The following PHIP variants were observed in gnomAD, a reference collection of about 807,000 sequenced individuals.
The protein encoded by PHIP is PH-interacting protein.
PHIP carries 54 observed loss-of-function variants against 236.8 expected under a neutral mutation model. The observed-to-expected ratio is 0.23, with a 90% CI of 0.18 to 0.29. PHIP has a LOEUF of 0.29. PHIP is among the 10% of genes least tolerant of loss of function. PHIP has a pLI of 1.00. For missense variants in PHIP, 1,370 were observed against 2,190.8 expected, an observed-to-expected ratio of 0.63 and a Z score of 7.48; for synonymous variants, 756 against 718.9, an observed-to-expected ratio of 1.05 and a Z score of -0.83.
chr6:79,008,105 G>A (rs1770389596), intron 15 of PHIP, among the ~76,000 whole-genome samples: 1 of 151,596 alleles, frequency 6.6e-6, no homozygotes, highest in Non-Finnish European at 1.5e-5. Context: ...GCAGTGAGAT[G>A]AGATTGTGCC....
intron 6 of PHIP, among the ~76,000 whole-genome samples, chr6:79,047,422 T>C (rs1319314720): frequency 2.6e-5 from 4 of 152,166 alleles, no homozygotes; most frequent in Non-Finnish European, 4.4e-5. Flanking sequence ...GAAAAGAACA[T>C]AAATGAAAGA....
Position 78,997,594 on chromosome 6 carries a change from G to A in PHIP, c.2021C>T (p.Ser674Phe). The A allele has an allele frequency of 6.2e-7, 1 of 1,610,482 alleles. No homozygotes were observed. The highest frequency in any genetic ancestry group is 1.3e-5 in the African/African-American group (1 of 74,836). Residue 674 changes from serine (S) to phenylalanine (F), a missense_variant, in exon 19 of 40, where the codon TCC becomes TTC. Around this residue, in one of 14 missense-constraint regions of PHIP, gnomAD observed 133 missense variants for 245.2 expected, o/e 0.54. Coordinates refer to ENST00000275034, the MANE Select transcript of PHIP (RefSeq NM_017934.7). ...ISNTSRLSRGSISSTSEVHSP... is the reference protein window; with the variant it reads ...ISNTSRLSRGFISSTSEVHSP... Reference sequence around the variant, plus strand: ...ATGAACCTCTGAGGTAGAACTTATGGAGCCTAAGTGAAAAAGTTACTATAT... The same window carrying A: ...ATGAACCTCTGAGGTAGAACTTATGAAGCCTAAGTGAAAAAGTTACTATAT...
rs147652839 is a variant in PHIP at position 78,969,979 on chromosome 6, A to G, written c.3123-62T>C. 1.2e-4 allele frequency: 194 copies of G among 1,588,356 alleles called. 4 individuals are homozygous for G. Among genetic ancestry groups the G allele is most frequent in the Middle Eastern group, 1.2e-3 (7 of 5,970 alleles). On this transcript the variant is annotated intron_variant, in intron 26 of 39. Coordinates refer to ENST00000275034, the MANE Select transcript of PHIP (RefSeq NM_017934.7). ...ACCTAAAAATACCTAAAAGATGTTC[A>G]AATGTATCTGAATCTTGAAAAACAA...
intron 15 of PHIP, among the ~76,000 whole-genome samples, chr6:79,013,783 G>A (rs771100749): frequency 2.0e-5 from 3 of 151,550 alleles, no homozygotes; most frequent in South Asian, 2.1e-4. Context: ...ATGTCCTTTG[G>A]AAATACAAAA....
chr6:79,055,540 A>T (rs1483407624), intron 6 of PHIP, among the ~76,000 whole-genome samples: 1 of 152,196 alleles, frequency 6.6e-6, no homozygotes, highest in Non-Finnish European at 1.5e-5. Flanking sequence ...TCTCTTCCAC[A>T]ATAAAAGAAT....
intron 27 of PHIP, among the ~76,000 whole-genome samples, chr6:78,969,042 T>A (rs1193531587): frequency 6.6e-6 from 1 of 152,202 alleles, no homozygotes; most frequent in Non-Finnish European, 1.5e-5. Flanking sequence ...CCTTTCTTGG[T>A]TACTCCCTTA....
intron 33 of PHIP, 136 bp from the exon 34 acceptor site, chr6:78,955,418 TA>T: frequency 1.5e-6 from 1 of 645,656 alleles, no homozygotes; most frequent in Non-Finnish European, 2.5e-6. Flanking sequence ...ATTGACTCAT[TA>T]AAAAGGTTCC....
At chr6:79,016,845 C>T (rs1330095764) in intron 12 of PHIP, among the ~76,000 whole-genome samples, 1 of 151,730 alleles carries the variant, frequency 6.6e-6, no homozygotes, top group African/African-American at 2.4e-5. Context: ...ATAACATTTT[C>T]AAAAGTGATT....
At chr6:79,003,585 TAA>T (rs1421886181) in intron 16 of PHIP, 143 bp downstream of exon 16, 1 of 471,794 alleles carries the variant, frequency 2.1e-6, no homozygotes, top group Non-Finnish European at 3.6e-6. Context: ...TTTCCGAAAC[TAA>T]GTCTCCAGAC....
At chr6:79,014,996 T>C in intron 15 of PHIP, 86 bp downstream of exon 15, 1 of 1,075,218 alleles carries the variant, frequency 9.3e-7, no homozygotes, top group Non-Finnish European at 1.4e-6. Context: ...AATTTTTAAA[T>C]GGATTTCCTT....
At chr6:79,047,712 A>G (rs1772572487) in intron 6 of PHIP, among the ~76,000 whole-genome samples, 1 of 152,012 alleles carries the variant, frequency 6.6e-6, no homozygotes, top group Non-Finnish European at 1.5e-5. Context: ...AATTTCACAA[A>G]TTTTACACAG....
In PHIP at chr6:78,935,663, G is replaced by A. The variant is rs1235127293; in HGVS notation, c.*5030C>T. 3.1e-6 allele frequency: 3 copies of A among 983,592 alleles called. No homozygotes were observed. The highest frequency in any genetic ancestry group is 6.2e-5 in the Admixed American group (1 of 16,218). The allele number at this position is 983,592 out of a possible 1,614,324, so 60.9% of individuals were successfully genotyped here. On this transcript the variant is annotated 3_prime_UTR_variant, in exon 40 of 40. Coordinates refer to ENST00000275034, the MANE Select transcript of PHIP (RefSeq NM_017934.7). The stretch of plus-strand genomic sequence containing the variant: ...TTGTTTTGGAATTAAATTACATTTC[G>A]GCACCCAAATATCTTTTAACTGACA...
chr6:78,958,668 C>T, intron 31 of PHIP, 68 bp from the exon 32 acceptor site: 1 of 918,788 alleles, frequency 1.1e-6, no homozygotes, highest in Non-Finnish European at 1.7e-6. Flanking sequence ...TCATTTAAAA[C>T]CAAGACATTC....
rs913159319 is a variant in PHIP at position 78,939,320 on chromosome 6, C to T, written c.*1373G>A. 1.3e-4 allele frequency: 20 copies of T among 151,520 alleles called. No individual in the cohort carries two copies. Among genetic ancestry groups the T allele is most frequent in the Non-Finnish European group, 1.6e-4 (11 of 67,614 alleles). The allele number at this position is 151,520 out of a possible 1,614,324, so 9.4% of individuals were successfully genotyped here. On this transcript the variant is annotated 3_prime_UTR_variant, in exon 40 of 40. Coordinates refer to ENST00000275034, the MANE Select transcript of PHIP (RefSeq NM_017934.7). ...GGCACAATCATTAAATGGAGTTTTTCTTTAGGGTGTATATTGACATACCAG... is the reference window on the plus strand; with the variant it reads ...GGCACAATCATTAAATGGAGTTTTTTTTTAGGGTGTATATTGACATACCAG...
At chr6:78,961,630 T>G in intron 31 of PHIP, 60 bp downstream of exon 31, 3 of 1,568,710 alleles carry the variant, frequency 1.9e-6, no homozygotes, top group Non-Finnish European at 2.6e-6. Flanking sequence ...TAAAGATCAG[T>G]AAATGGGTGG....
At chr6:79,072,529 T>C (rs1218639558) in intron 4 of PHIP, among the ~76,000 whole-genome samples, 1 of 152,146 alleles carries the variant, frequency 6.6e-6, no homozygotes, top group Non-Finnish European at 1.5e-5. Flanking sequence ...TCACCCACGC[T>C]GGAGGGCAGT....
intron 7 of PHIP, among the ~76,000 whole-genome samples, chr6:79,029,158 T>C (rs1216142256): frequency 4.6e-5 from 7 of 152,170 alleles, no homozygotes; most frequent in Non-Finnish European, 1.0e-4. Context: ...TTCCATCAAA[T>C]TGCCAGAGAG....
At chr6:79,016,664 C>T (rs367552709) in intron 12 of PHIP, 22 bp from the exon 13 acceptor site, 2 of 1,467,792 alleles carry the variant, frequency 1.4e-6, no homozygotes, top group Non-Finnish European at 1.9e-6. Flanking sequence ...GGAATCCGAT[C>T]CCCCAAAGAA....
At chr6:79,060,457 T>A in intron 6 of PHIP, 21 bp downstream of exon 6, 5 of 1,549,886 alleles carry the variant, frequency 3.2e-6, no homozygotes, top group Non-Finnish European at 1.8e-6. Context: ...TATTAACTAC[T>A]AGTGAACTCA....
Sources: gnomAD v4.1 joint callset for allele counts (sites outside exome capture counted in the v4.1 genomes callset) on GRCh38, gnomAD v4.1.1 for gene constraint, gnomAD v4.1.1 regional missense constraint, MANE v1.5 for transcripts, NCBI Gene and HGNC (gene_info 2026-07-23, HGNC 2026-07-21) for gene names.